The following ATG9A variants were observed in gnomAD, a reference collection of about 807,000 sequenced individuals.
The protein encoded by ATG9A is autophagy-related protein 9A.
ATG9A carries 21 observed loss-of-function variants against 87.1 expected under a neutral mutation model. The observed-to-expected ratio is 0.24, with a 90% CI of 0.17 to 0.35. ATG9A has a LOEUF of 0.35. Among genes scored for constraint, ATG9A ranks in the 10% least tolerant of loss-of-function variants. The pLI, the probability that ATG9A is intolerant of heterozygous loss-of-function variation, is 1.00. For synonymous variants in ATG9A, 422 were observed against 441.3 expected, an observed-to-expected ratio of 0.96 and a Z score of 0.55; for missense variants, 836 against 1,107.3, an observed-to-expected ratio of 0.76 and a Z score of 3.48.
intron 2 of ATG9A, 59 bp from the exon 3 acceptor site, chr2:219,228,112 C>CAG: frequency 1.2e-5 from 15 of 1,224,740 alleles, no homozygotes; most frequent in Non-Finnish European, 1.6e-5. Context: ...CCATGGGCTG[C>CAG]CCTGCCTACT....
chr2:219,222,463 CG>C lies in ATG9A; in HGVS notation c.1849-14del. The C allele has an allele frequency of 6.5e-7, 1 of 1,547,272 alleles. No homozygotes were observed. The highest frequency in any genetic ancestry group is 8.7e-7 in the Non-Finnish European group (1 of 1,148,624). The stretch of plus-strand genomic sequence containing the variant: ...TAAGGCTCAGGGGCTATGAACGAAA[CG>C]GGTAGGTAGAATTCTTGAGGCAAGA... On this transcript the variant is annotated splice_polypyrimidine_tract_variant and intron_variant, in intron 11 of 15. Coordinates refer to ENST00000361242, the MANE Select transcript of ATG9A (RefSeq NM_001077198.3). This position sits in a 1 kb window ranked among gnomAD's most constrained non-coding sequence, Gnocchi z 4.3.
At chr2:219,228,933 G>GT (rs1203190103) in intron 1 of ATG9A, 1 of 152,304 alleles carries the variant, frequency 6.6e-6, no homozygotes, top group Non-Finnish European at 1.5e-5. Context: ...GACTGGGTCA[G>GT]TGTAGACCCC....
Position 219,221,124 on chromosome 2 carries a change from G to A in ATG9A, c.2324C>T (p.Thr775Ile). Residue 775 changes from threonine (T) to isoleucine (I), a missense_variant, in exon 14 of 16, where the codon ACT (threonine) becomes ATT (isoleucine). Coordinates refer to ENST00000361242, the MANE Select transcript of ATG9A (RefSeq NM_001077198.3). ...CCTCTGGAAGCCCCCATGCAGGGCA[G>A]TGGTCTCAGGAGCTCCAGGCCGGGG... ...AAPRPGAPET[T>I]ALHGGFQRRY... The A allele has an allele frequency of 6.2e-7, 1 of 1,612,338 alleles. No homozygotes were observed. Among genetic ancestry groups the A allele is most frequent in the Non-Finnish European group, 8.5e-7 (1 of 1,179,204 alleles).
In ATG9A at chr2:219,226,753, C is replaced by T. The variant is rs909506960; in HGVS notation, c.212+116G>A. On this transcript the variant is annotated intron_variant, in intron 5 of 15. Coordinates refer to ENST00000361242, the MANE Select transcript of ATG9A (RefSeq NM_001077198.3). ...CCAGTCCCTGAACTACAAAGGTTTA[C>T]GGAGTTTTAGCCTAGGACTGAGTTG... 67 of 939,254 alleles carry T rather than the reference C, an allele frequency of 7.1e-5. No homozygotes were observed. The Admixed American group carries it at 1.0e-3, about 15-fold the overall frequency. 58.2% of individuals were successfully genotyped at this position (939,254 alleles called of 1,614,324 possible). A position where few individuals can be genotyped will look rare whatever the true frequency, so the allele number is the denominator to read the frequency against.
Position 219,228,001 on chromosome 2 carries a change from G to A in ATG9A, c.24C>T (p.Tyr8=), listed in dbSNP as rs1332629804. Residue 8 remains tyrosine (Y), a synonymous_variant, in exon 3 of 16, where the codon TAC becomes TAT. Transcript: ENST00000361242. ...CACTATAGGAGGCCTCTAGGCGCTGGTATTCAGTGTCAAACTGCGCCATCA... is the reference window on the plus strand; with the variant it reads ...CACTATAGGAGGCCTCTAGGCGCTGATATTCAGTGTCAAACTGCGCCATCA... MAQFDTE[Y]QRLEASYSDS... 1.9e-6 allele frequency: 3 copies of A among 1,613,958 alleles called. No individual in the cohort carries two copies. In the African/African-American group the frequency reaches 4.0e-5, roughly 22 times the overall value.
chr2:219,223,084 T>G lies in ATG9A; in HGVS notation c.1600-191A>C, dbSNP rs1249828472. 6.7e-6 allele frequency among the ~76,000 whole-genome samples: 1 copy of G among 148,544 alleles called. No homozygotes were observed. Among genetic ancestry groups the G allele is most frequent in the Non-Finnish European group, 1.5e-5 (1 of 67,358 alleles). Reference sequence around the variant, plus strand: ...CATGCTGAGCCAGTTACTTGTGTTGTGCCTTTTTTTTTTTTTTTTTTGAGA... The same window carrying G: ...CATGCTGAGCCAGTTACTTGTGTTGGGCCTTTTTTTTTTTTTTTTTTGAGA... On this transcript the variant is annotated intron_variant, in intron 10 of 15. Transcript: ENST00000361242. The surrounding 1 kb of genome is among the most constrained non-coding windows in gnomAD (Gnocchi z 4.7).
rs1365616152 is a variant in ATG9A at position 219,225,574 on chromosome 2, TG to T, written c.213-3del. 12 of 1,613,254 alleles carry T rather than the reference TG, an allele frequency of 7.4e-6. No individual in the cohort carries two copies. Among genetic ancestry groups the T allele is most frequent in the Non-Finnish European group, 1.0e-5 (12 of 1,179,460 alleles). On this transcript the variant is annotated splice_region_variant and splice_polypyrimidine_tract_variant and intron_variant, in intron 5 of 15. Coordinates refer to ENST00000361242, the MANE Select transcript of ATG9A (RefSeq NM_001077198.3). ...AAGGCAACCACAAAGAGGAACTGCCTGGGGAGTTGGGAAGAAGGGGTGCAGT... is the reference window on the plus strand; with the variant it reads ...AAGGCAACCACAAAGAGGAACTGCCTGGGAGTTGGGAAGAAGGGGTGCAGT...
At position 219,222,945 on chromosome 2, in the gene ATG9A, C is replaced by G. The variant is rs776236483; in HGVS notation, c.1600-52G>C. On this transcript the variant is annotated intron_variant, in intron 10 of 15. Coordinates refer to ENST00000361242, the MANE Select transcript of ATG9A (RefSeq NM_001077198.3). This position sits in a 1 kb window ranked among gnomAD's most constrained non-coding sequence, Gnocchi z 4.3. ...GGGCTGTTCTCTTCCAGGAGCCTTC[C>G]TGCACCTTTCCTGTTAGTGGGGAGG... The G allele has an allele frequency of 1.2e-6, 2 of 1,602,674 alleles. No individual in the cohort carries two copies. Among genetic ancestry groups the G allele is most frequent in the Non-Finnish European group, 1.7e-6 (2 of 1,174,370 alleles).
At chr2:219,226,983 A>T in intron 4 of ATG9A, 50 bp from the exon 5 acceptor site, 1 of 1,492,960 alleles carries the variant, frequency 6.7e-7, no homozygotes, top group South Asian at 1.1e-5. Context: ...GTAAGAGCAC[A>T]GACTTTGGTG....
chr2:219,227,676 A>C, intron 4 of ATG9A, 94 bp downstream of exon 4: 1 of 1,430,196 alleles, frequency 7.0e-7, no homozygotes, highest in Non-Finnish European at 9.7e-7. Context: ...GTTTCCAGGT[A>C]TTAGAGTCAA....
At position 219,227,890 on chromosome 2, in the gene ATG9A, T is replaced by C. The variant is rs367877349; in HGVS notation, c.103+32A>G. 168 of 1,612,946 alleles carry C rather than the reference T, an allele frequency of 1.0e-4. No individual in the cohort carries two copies. In the African/African-American group the frequency reaches 2.1e-3, roughly 21 times the overall value. ...GCTCTCTCCATGTTCTTCCATCAAC[T>C]CTCCCTATGGCTGTCATATCCAAGA... On this transcript the variant is annotated intron_variant, in intron 3 of 15. Transcript: ENST00000361242.
chr2:219,228,152 G>A (rs1950905761), intron 2 of ATG9A, 99 bp from the exon 3 acceptor site: 2 of 776,914 alleles, frequency 2.6e-6, no homozygotes, highest in African/African-American at 3.5e-5. Context: ...CTTGGGCTTT[G>A]TCCACTACCA....
chr2:219,227,983 G>A lies in ATG9A; in HGVS notation c.42C>T (p.Ser14=). ...CCTCCCCTGGGGGTGAATCACTATA[G>A]GAGGCCTCTAGGCGCTGGTATTCAG... ...FDTEYQRLEA[S]YSDSPPGEED... The change falls in exon 3 of 16, where the codon TCC becomes TCT. Residue 14 remains serine, a synonymous_variant. Coordinates refer to ENST00000361242, the MANE Select transcript of ATG9A (RefSeq NM_001077198.3). 1 of 1,614,146 alleles carries A rather than the reference G, an allele frequency of 6.2e-7. No homozygotes were observed. The highest frequency in any genetic ancestry group is 8.5e-7 in the Non-Finnish European group (1 of 1,180,014).
At position 219,224,576 on chromosome 2, in the gene ATG9A, A is replaced by G. The variant is rs987502733; in HGVS notation, c.795T>C (p.Asn265=). ...TGTACTCGGCCTTGAGGCTCCATTC[A>G]TTGAGAAACAGAGAGCCAGGTCCCC... The part of the protein sequence containing the change: ...LFWGPGSLFL[N]EWSLKAEYKR... Residue 265 remains asparagine, a synonymous_variant, in exon 8 of 16, where the codon AAT becomes AAC. Coordinates refer to ENST00000361242, the MANE Select transcript of ATG9A (RefSeq NM_001077198.3). This position sits in a 1 kb window ranked among gnomAD's most constrained non-coding sequence, Gnocchi z 7.7. 2 of 1,614,060 alleles carry G rather than the reference A, an allele frequency of 1.2e-6. No individual in the cohort carries two copies. Among genetic ancestry groups the G allele is most frequent in the Non-Finnish European group, 1.7e-6 (2 of 1,180,042 alleles).
In ATG9A at chr2:219,223,837, C is replaced by A. The variant is rs1242061977; in HGVS notation, c.1419+32G>T. The A allele has an allele frequency of 6.2e-7, 1 of 1,613,984 alleles. No individual in the cohort carries two copies. Among genetic ancestry groups the A allele is most frequent in the African/African-American group, 1.3e-5 (1 of 74,914 alleles). On this transcript the variant is annotated intron_variant, in intron 9 of 15. Transcript: ENST00000361242. The surrounding 1 kb of genome is among the most constrained non-coding windows in gnomAD (Gnocchi z 4.7). ...CCTCACCACCGAGCTACCAGCCAGT[C>A]TCTAGCAGGCCCTAACTCCAACTCC... is the stretch of plus-strand genomic sequence containing the variant.
chr2:219,221,149 G>T lies in ATG9A; in HGVS notation c.2299C>A (p.Pro767Thr). Residue 767 changes from proline to threonine, a missense_variant, in exon 14 of 16, where the codon CCC becomes ACC. By Grantham distance (38) the Pro-to-Thr change is conservative (BLOSUM62 -1). Coordinates refer to ENST00000361242, the MANE Select transcript of ATG9A (RefSeq NM_001077198.3). ...GTGGTCTCAGGAGCTCCAGGCCGGGGTGCTGCACAGGGATAGCTAGCAGAG... is the reference window on the plus strand; with the variant it reads ...GTGGTCTCAGGAGCTCCAGGCCGGGTTGCTGCACAGGGATAGCTAGCAGAG... ...PRSASYPCAA[P>T]RPGAPETTAL... is the part of the protein sequence containing the mutation. The T allele has an allele frequency of 6.2e-7, 1 of 1,610,800 alleles. No homozygotes were observed. The highest frequency in any genetic ancestry group is 8.5e-7 in the Non-Finnish European group (1 of 1,178,466).
At position 219,221,316 on chromosome 2, in the gene ATG9A, G is replaced by A. The variant is rs1253831797; in HGVS notation, c.2146-14C>T. 7.1e-6 allele frequency: 11 copies of A among 1,543,968 alleles called. No homozygotes were observed. The highest frequency in any genetic ancestry group is 9.6e-6 in the Non-Finnish European group (11 of 1,146,134). ...CTGCTTGTGGAGCTGGAGAAATGGG[G>A]GGCTCGTTAGTGGGGGACAGACGGA... On this transcript the variant is annotated splice_polypyrimidine_tract_variant and intron_variant, in intron 13 of 15. Transcript: ENST00000361242.
At position 219,220,915 on chromosome 2, in the gene ATG9A, G is replaced by A. The variant is rs138268250; in HGVS notation, c.2369-23C>T. The A allele has an allele frequency of 5.0e-5, 80 of 1,612,356 alleles. No homozygotes were observed. In the East Asian group the frequency reaches 1.5e-3, roughly 31 times the overall value. On this transcript the variant is annotated intron_variant, in intron 14 of 15. Transcript: ENST00000361242. The stretch of plus-strand genomic sequence containing the variant: ...GATCTGGAGAGACAAGTAAGAGTAA[G>A]CATACTCATAGAAGGAACACAAGAA...
Position 219,219,487 on chromosome 2 carries a change from C to G in ATG9A, c.*960G>C, listed in dbSNP as rs1194802974. 2 of 152,704 alleles carry G rather than the reference C, an allele frequency of 1.3e-5. No homozygotes were observed. The highest frequency in any genetic ancestry group is 2.9e-5 in the Non-Finnish European group (2 of 68,134). The allele number at this position is 152,704 out of a possible 1,614,324, so 9.5% of individuals were successfully genotyped here. ...ATTCACCACTCTCCCAAAGCCGGAC[C>G]ACAGCTGGGTGAGGGGTGGGACAGA... On this transcript the variant is annotated 3_prime_UTR_variant, in exon 16 of 16. Coordinates refer to ENST00000361242, the MANE Select transcript of ATG9A (RefSeq NM_001077198.3).
Sources: gnomAD v4.1 joint callset for allele counts (sites outside exome capture counted in the v4.1 genomes callset) on GRCh38, gnomAD v4.1.1 for gene constraint, Gnocchi (gnomAD v3.1) non-coding constraint, MANE v1.5 for transcripts, NCBI Gene and HGNC (gene_info 2026-07-23, HGNC 2026-07-21) for gene names.